The following NOS1AP variants were observed in gnomAD, a reference collection of about 807,000 sequenced individuals.
NOS1AP encodes carboxyl-terminal PDZ ligand of neuronal nitric oxide synthase protein.
In NOS1AP, 21 loss-of-function variants were observed where a neutral mutation model predicts 56.2. The observed-to-expected ratio is 0.37, with a 90% CI of 0.26 to 0.54. The LOEUF (loss-of-function observed/expected upper bound fraction) is 0.54, where lower values mean the gene tolerates loss of function less well. Ranked by LOEUF, NOS1AP falls within the 20% of genes least tolerant of loss-of-function variation. The pLI, the probability that NOS1AP is intolerant of heterozygous loss-of-function variation, is 0.84. For missense variants in NOS1AP, 522 were observed against 657.8 expected (o/e 0.79, Z 2.26); for synonymous variants, 270 against 274.6 (o/e 0.98, Z 0.17).
chr1:162,306,653 A>T (rs913639219), intron 4 of NOS1AP, among the ~76,000 whole-genome samples: 4 of 152,182 alleles, frequency 2.6e-5, no homozygotes, highest in Non-Finnish European at 4.4e-5. Flanking sequence ...GAATAGTTTC[A>T]TCAGTCGGCT....
At chr1:162,197,966 G>A (rs2102162700) in intron 2 of NOS1AP, among the ~76,000 whole-genome samples, 1 of 152,366 alleles carries the variant, frequency 6.6e-6, no homozygotes, top group Non-Finnish European at 1.5e-5. Flanking sequence ...AGGGCAGATG[G>A]CTCCACCAGC....
intron 8 of NOS1AP, chr1:162,364,271 G>A (rs1369520545): frequency 9.1e-6 from 9 of 985,328 alleles, no homozygotes; most frequent in Non-Finnish European, 1.1e-5. Context: ...CCCACACCAT[G>A]GTTTTGGTAC....
intron 2 of NOS1AP, among the ~76,000 whole-genome samples, chr1:162,278,497 G>A (rs916873147): frequency 1.3e-5 from 2 of 152,100 alleles, no homozygotes; most frequent in African/African-American, 2.4e-5. Flanking sequence ...GTGCTGGGAG[G>A]TTTATTAAAC....
chr1:162,304,618 G>A (rs770945049), intron 4 of NOS1AP, among the ~76,000 whole-genome samples: 4 of 152,074 alleles, frequency 2.6e-5, no homozygotes, highest in Non-Finnish European at 5.9e-5. Flanking sequence ...CTCTCTGATT[G>A]TTGATAGTCT....
intron 1 of NOS1AP, among the ~76,000 whole-genome samples, chr1:162,131,624 T>A (rs1648750537): frequency 6.6e-6 from 1 of 151,994 alleles, no homozygotes; most frequent in Non-Finnish European, 1.5e-5. Context: ...CCTGGGAGGT[T>A]GGAAAGTATT....
intron 2 of NOS1AP, among the ~76,000 whole-genome samples, chr1:162,253,535 C>T (rs761585167): frequency 2.0e-5 from 3 of 152,124 alleles, no homozygotes; most frequent in Non-Finnish European, 4.4e-5. Context: ...CACTTTTCAT[C>T]CTTAGAAGAT....
chr1:162,279,286 C>T (rs1037860025), intron 2 of NOS1AP, among the ~76,000 whole-genome samples: 3 of 152,270 alleles, frequency 2.0e-5, no homozygotes, highest in East Asian at 1.9e-4. Flanking sequence ...GCTGTATTCC[C>T]GGGGCTATCT....
intron 5 of NOS1AP, among the ~76,000 whole-genome samples, chr1:162,340,753 A>G (rs1486101044): frequency 6.6e-6 from 1 of 152,202 alleles, no homozygotes; most frequent in Non-Finnish European, 1.5e-5. Flanking sequence ...TGCATTTCCT[A>G]CTTTTTCAGG....
At chr1:162,357,525 C>G (rs748744203) in intron 8 of NOS1AP, among the ~76,000 whole-genome samples, 4 of 152,112 alleles carry the variant, frequency 2.6e-5, no homozygotes, top group Non-Finnish European at 4.4e-5. Context: ...TATGATACCA[C>G]TCTTAAAACA....
At chr1:162,264,131 A>G (rs1422596921) in intron 2 of NOS1AP, among the ~76,000 whole-genome samples, 1 of 152,164 alleles carries the variant, frequency 6.6e-6, no homozygotes, top group Non-Finnish European at 1.5e-5. Context: ...ATCTCCAGCC[A>G]TGTTCCACTT....
At chr1:162,254,754 T>C (rs1265893571) in intron 2 of NOS1AP, among the ~76,000 whole-genome samples, 1 of 152,214 alleles carries the variant, frequency 6.6e-6, no homozygotes, top group African/African-American at 2.4e-5. Context: ...ATACTCTAAC[T>C]GTAGATCACT....
At chr1:162,104,224 G>T (rs1015397262) in intron 1 of NOS1AP, among the ~76,000 whole-genome samples, 1 of 152,174 alleles carries the variant, frequency 6.6e-6, no homozygotes, top group African/African-American at 2.4e-5. Context: ...TAAGAATGTT[G>T]AATATTGGCC....
chr1:162,306,230 GT>G (rs1655821641), intron 4 of NOS1AP, among the ~76,000 whole-genome samples: 1 of 152,186 alleles, frequency 6.6e-6, no homozygotes, highest in South Asian at 2.1e-4. Context: ...CCGGAAGGCT[GT>G]TGGCTCTTCA....
intron 2 of NOS1AP, among the ~76,000 whole-genome samples, chr1:162,217,658 G>T (rs1360332814): frequency 6.6e-6 from 1 of 152,150 alleles, no homozygotes; most frequent in Non-Finnish European, 1.5e-5. Context: ...TGAGAGTGTG[G>T]CTGGCTCCCT....
chr1:162,138,781 T>A (rs1649108724), intron 1 of NOS1AP, among the ~76,000 whole-genome samples: 1 of 152,196 alleles, frequency 6.6e-6, no homozygotes, highest in African/African-American at 2.4e-5. Context: ...GTGGCACCCC[T>A]AGTGTGCCAG....
At chr1:162,329,515 C>T (rs952713145) in intron 4 of NOS1AP, among the ~76,000 whole-genome samples, 3 of 152,070 alleles carry the variant, frequency 2.0e-5, no homozygotes, top group Non-Finnish European at 4.4e-5. Flanking sequence ...GACTAAGGTA[C>T]TTTTTGGAAG....
intron 1 of NOS1AP, among the ~76,000 whole-genome samples, chr1:162,120,575 T>C (rs911255960): frequency 6.6e-6 from 1 of 152,238 alleles, no homozygotes; most frequent in African/African-American, 2.4e-5. Flanking sequence ...TCATGTCTTA[T>C]GTGGCGACAG....
intron 2 of NOS1AP, among the ~76,000 whole-genome samples, chr1:162,255,532 A>G (rs565966660): frequency 3.2e-3 from 246 of 76,496 alleles, no homozygotes; most frequent in African/African-American, 0.011. Context: ...TTTTGGTAAG[A>G]TAGGTAATGC....
chr1:162,361,452 A>G (rs766718069), intron 8 of NOS1AP, among the ~76,000 whole-genome samples: 1 of 152,290 alleles, frequency 6.6e-6, no homozygotes, highest in South Asian at 2.1e-4. Context: ...GCTGCACCTC[A>G]AAGTTAAAAG....
Sources: gnomAD v4.1 joint callset for allele counts (sites outside exome capture counted in the v4.1 genomes callset) on GRCh38, gnomAD v4.1.1 for gene constraint, MANE v1.5 for transcripts, NCBI Gene and HGNC (gene_info 2026-07-23, HGNC 2026-07-21) for gene names.